Variants in MAF observed in about 807,000 individuals in gnomAD.
MAF encodes the protein MAF bZIP transcription factor, also known as transcription factor Maf.
Under a neutral mutation model 22.0 loss-of-function variants are expected in MAF, and 10 were observed. The observed-to-expected ratio is 0.45, with a 90% CI of 0.28 to 0.77. MAF has a LOEUF of 0.77. Ranked by LOEUF, MAF falls within the 30% of genes least tolerant of loss-of-function variation. The pLI is 0.12. For synonymous variants in MAF, 337 were observed against 255.8 expected (o/e 1.32, Z -3.03); for missense variants, 544 against 548.4 (o/e 0.99, Z 0.08).
chr16:79,575,924 T>G, the MAF span, among the ~76,000 whole-genome samples: 1 of 152,066 alleles, frequency 6.6e-6, no homozygotes, highest in African/African-American at 2.4e-5. Flanking sequence ...ATTTAATCAG[T>G]GATCCTGGAT....
the MAF span, among the ~76,000 whole-genome samples, chr16:79,377,880 G>A: frequency 2.0e-5 from 3 of 152,036 alleles, no homozygotes; most frequent in East Asian, 5.8e-4. Context: ...CTGTTCCATT[G>A]GTCTATATCT....
the MAF span, among the ~76,000 whole-genome samples, chr16:79,226,978 C>A: frequency 6.6e-6 from 1 of 151,850 alleles, no homozygotes; most frequent in Non-Finnish European, 1.5e-5. Context: ...GGATGGGGAA[C>A]CTTAGGGCTA....
chr16:79,484,146 A>C, the MAF span, among the ~76,000 whole-genome samples: 619 of 152,198 alleles, frequency 4.1e-3, 2 homozygotes, highest in African/African-American at 0.014. Flanking sequence ...GGAAGACAAT[A>C]AGTCTTGCAC....
At chr16:79,408,402 T>C in the MAF span, among the ~76,000 whole-genome samples, 2 of 152,188 alleles carry the variant, frequency 1.3e-5, no homozygotes, top group African/African-American at 4.8e-5. Context: ...TCTCAACCTC[T>C]TGACCTCAGG....
the MAF span, among the ~76,000 whole-genome samples, chr16:79,561,629 C>T: frequency 2.0e-5 from 3 of 152,060 alleles, no homozygotes; most frequent in Admixed American, 6.6e-5. Context: ...ATCCATGTCC[C>T]TACAAAGGAA....
chr16:79,546,686 G>A, the MAF span, among the ~76,000 whole-genome samples: 1 of 152,158 alleles, frequency 6.6e-6, no homozygotes, highest in Middle Eastern at 3.2e-3. Context: ...AGTCAAGCAA[G>A]ACAGGGAGCT....
At chr16:79,305,105 T>C in the MAF span, among the ~76,000 whole-genome samples, 1 of 152,166 alleles carries the variant, frequency 6.6e-6, no homozygotes, top group African/African-American at 2.4e-5. Flanking sequence ...TTTCGGCTTG[T>C]ATTAGAACGT....
At chr16:79,386,404 T>C in the MAF span, among the ~76,000 whole-genome samples, 1 of 152,034 alleles carries the variant, frequency 6.6e-6, no homozygotes, top group Admixed American at 6.5e-5. Flanking sequence ...CAGTTCGCAA[T>C]AGGGTTCATG....
At chr16:79,214,241 C>G in the MAF span, among the ~76,000 whole-genome samples, 21 of 152,294 alleles carry the variant, frequency 1.4e-4, no homozygotes, top group East Asian at 4.1e-3. Flanking sequence ...ATAAGAAACT[C>G]CATGAAATTT....
the MAF span, among the ~76,000 whole-genome samples, chr16:79,338,161 C>T: frequency 2.6e-5 from 4 of 152,136 alleles, no homozygotes; most frequent in East Asian, 7.7e-4. Flanking sequence ...TCACAGTTTG[C>T]AACAGTGAAA....
chr16:79,596,032 G>C, intron 1 of MAF: 1 of 1,061,042 alleles, frequency 9.4e-7, no homozygotes, highest in Admixed American at 5.4e-5. Context: ...AGGAAAAATA[G>C]TCAACTTTAG....
chr16:79,554,999 G>A, the MAF span, among the ~76,000 whole-genome samples: 3 of 152,170 alleles, frequency 2.0e-5, no homozygotes, highest in Non-Finnish European at 4.4e-5. Flanking sequence ...TCAGTCTGGT[G>A]AAGAACTGGT....
At chr16:79,433,427 G>A in the MAF span, among the ~76,000 whole-genome samples, 1 of 151,560 alleles carries the variant, frequency 6.6e-6, no homozygotes, top group Non-Finnish European at 1.5e-5. Context: ...CCACCAGGGT[G>A]CTCAGAATGA....
chr16:79,293,345 G>C, the MAF span, among the ~76,000 whole-genome samples: 1 of 152,136 alleles, frequency 6.6e-6, no homozygotes, highest in Non-Finnish European at 1.5e-5. Context: ...GGCAAAGCCA[G>C]TTCTACAAAC....
At chr16:79,405,229 A>C in the MAF span, among the ~76,000 whole-genome samples, 1 of 152,198 alleles carries the variant, frequency 6.6e-6, no homozygotes, top group African/African-American at 2.4e-5. Context: ...CCATTCTGAG[A>C]TACTACCCTT....
chr16:79,281,848 G>A, the MAF span, among the ~76,000 whole-genome samples: 1 of 151,980 alleles, frequency 6.6e-6, no homozygotes, highest in Non-Finnish European at 1.5e-5. Context: ...TACGCCTACA[G>A]CACACACTCT....
the MAF span, among the ~76,000 whole-genome samples, chr16:79,369,109 A>C: frequency 1.3e-5 from 2 of 152,230 alleles, no homozygotes; most frequent in African/African-American, 4.8e-5. Context: ...ATTCTCTTTC[A>C]TTTAAGCCTC....
At chr16:79,241,016 C>G in the MAF span, among the ~76,000 whole-genome samples, 6 of 152,196 alleles carry the variant, frequency 3.9e-5, no homozygotes, top group East Asian at 5.8e-4. Flanking sequence ...AAGACATCCA[C>G]TCACAGACCT....
the MAF span, among the ~76,000 whole-genome samples, chr16:79,331,574 T>C: frequency 5.0e-4 from 76 of 152,264 alleles, no homozygotes; most frequent in Middle Eastern, 3.4e-3. Context: ...GCCACCCGCA[T>C]CTCTGGCCTG....
Sources: gnomAD v4.1 joint callset for allele counts (sites outside exome capture counted in the v4.1 genomes callset) on GRCh38, gnomAD v4.1.1 for gene constraint, MANE v1.5 for transcripts, NCBI Gene and HGNC (gene_info 2026-07-23, HGNC 2026-07-21) for gene names.